The following RALGAPA2 variants were observed in gnomAD, a reference collection of about 807,000 sequenced individuals.
The protein encoded by RALGAPA2 is ral GTPase-activating protein subunit alpha-2.
Under a neutral mutation model 230.4 loss-of-function variants are expected in RALGAPA2, and 139 were observed. That is an observed-to-expected ratio of 0.60 (90% CI 0.53 to 0.69). The LOEUF (loss-of-function observed/expected upper bound fraction) is 0.69. Among genes scored for constraint, RALGAPA2 ranks in the 30% least tolerant of loss-of-function variants. RALGAPA2 has a pLI of 0.00. For synonymous variants in RALGAPA2, 847 were observed against 837.8 expected (o/e 1.01, Z -0.19); for missense variants, 2,163 against 2,276.0 (o/e 0.95, Z 1.01).
At chr20:20,504,864 G>A in intron 34 of RALGAPA2, 1 of 449,076 alleles carries the variant, frequency 2.2e-6, no homozygotes, top group Non-Finnish European at 2.9e-6. Context: ...GTGTATGTGT[G>A]TATAAATGTA....
intron 3 of RALGAPA2, among the ~76,000 whole-genome samples, chr20:20,656,994 C>G (rs1157325980): frequency 1.3e-5 from 2 of 152,198 alleles, no homozygotes; most frequent in Non-Finnish European, 2.9e-5. Context: ...GTTAGATCCT[C>G]TGGTTCTTTA....
chr20:20,698,273 A>AT lies in RALGAPA2; in HGVS notation c.106+14101dup, dbSNP rs202132751. Among the ~76,000 whole-genome samples the AT allele has an allele frequency of 2.9e-3, 410 of 142,522 alleles. 1 individual carries two copies. Among genetic ancestry groups the AT allele is most frequent in the African/African-American group, 5.4e-3 (210 of 39,134 alleles). 93.5% of individuals were successfully genotyped at this position (142,522 alleles called of 152,430 possible). On this transcript the variant is annotated intron_variant, in intron 1 of 39. Transcript: ENST00000202677. ...CCACTGAATTGTTTACTTTTAAATG[A>AT]TTTTTTTTTTTTTTTGAGACAGAGT...
At chr20:20,663,576 T>C (rs1485539560) in intron 3 of RALGAPA2, among the ~76,000 whole-genome samples, 2 of 152,096 alleles carry the variant, frequency 1.3e-5, no homozygotes, top group Non-Finnish European at 2.9e-5. Context: ...TACTCTTGTG[T>C]TTTGGAGCCA....
chr20:20,634,408 ACTTT>A (rs1404052251), intron 9 of RALGAPA2, among the ~76,000 whole-genome samples: 2 of 152,136 alleles, frequency 1.3e-5, no homozygotes, highest in South Asian at 2.1e-4. Flanking sequence ...GTTTCTTAAA[ACTTT>A]CTTTCAGCAA....
intron 38 of RALGAPA2, among the ~76,000 whole-genome samples, chr20:20,411,233 T>C (rs1220561978): frequency 1.3e-5 from 2 of 152,176 alleles, no homozygotes; most frequent in South Asian, 2.1e-4. Context: ...AAATATCCCA[T>C]TTATTCTCTG....
At chr20:20,681,396 G>GC (rs1194012385) in intron 1 of RALGAPA2, among the ~76,000 whole-genome samples, 2 of 152,170 alleles carry the variant, frequency 1.3e-5, no homozygotes, top group Non-Finnish European at 2.9e-5. Flanking sequence ...TCCTAGAGTT[G>GC]CCCCTCTTGT....
chr20:20,650,021 G>A (rs2067344071), intron 4 of RALGAPA2, among the ~76,000 whole-genome samples: 1 of 152,146 alleles, frequency 6.6e-6, no homozygotes, highest in Non-Finnish European at 1.5e-5. Context: ...TAGTTGAGTT[G>A]TATATTAGTG....
At chr20:20,555,391 T>C (rs2064053404) in intron 23 of RALGAPA2, among the ~76,000 whole-genome samples, 1 of 152,204 alleles carries the variant, frequency 6.6e-6, no homozygotes, top group Non-Finnish European at 1.5e-5. Flanking sequence ...CTAGATGGCT[T>C]TGGTTATTCA....
chr20:20,642,009 C>T (rs191786687), intron 5 of RALGAPA2, among the ~76,000 whole-genome samples: 3 of 150,828 alleles, frequency 2.0e-5, no homozygotes, highest in Non-Finnish European at 2.9e-5. Flanking sequence ...GACTCCACCA[C>T]TGTTCTGCAC....
chr20:20,590,805 T>C (rs890027972), intron 17 of RALGAPA2, among the ~76,000 whole-genome samples: 4 of 152,148 alleles, frequency 2.6e-5, no homozygotes, highest in Admixed American at 2.6e-4. Context: ...CCTTTCCCTA[T>C]GTCCCTGCCC....
chr20:20,637,548 A>G, intron 7 of RALGAPA2, 47 bp from the exon 8 acceptor site: 1 of 1,471,812 alleles, frequency 6.8e-7, no homozygotes, highest in Non-Finnish European at 9.1e-7. Flanking sequence ...TATATTTCAA[A>G]TTAACATATA....
At chr20:20,395,589 G>A (rs762574264) in intron 39 of RALGAPA2, among the ~76,000 whole-genome samples, 7 of 152,320 alleles carry the variant, frequency 4.6e-5, no homozygotes, top group Non-Finnish European at 8.8e-5. Flanking sequence ...CTTGACATGA[G>A]CACCTGGGCT....
intron 3 of RALGAPA2, among the ~76,000 whole-genome samples, chr20:20,669,767 G>A (rs2068073257): frequency 6.6e-6 from 1 of 152,136 alleles, no homozygotes. Flanking sequence ...AGGCCTGTGA[G>A]CATAATTAAA....
chr20:20,711,936 A>G (rs1356964160), intron 1 of RALGAPA2, among the ~76,000 whole-genome samples: 3 of 152,152 alleles, frequency 2.0e-5, no homozygotes, highest in African/African-American at 4.8e-5. Context: ...TGAGAGCCCA[A>G]TTAGGTCTGT....
intron 2 of RALGAPA2, among the ~76,000 whole-genome samples, chr20:20,678,604 T>TC (rs1390826940): frequency 2.0e-5 from 3 of 151,690 alleles, no homozygotes; most frequent in Admixed American, 6.6e-5. Flanking sequence ...TCAACTCACT[T>TC]CCCCCAACAC....
intron 11 of RALGAPA2, among the ~76,000 whole-genome samples, chr20:20,620,068 A>C (rs1252103728): frequency 1.3e-5 from 2 of 152,236 alleles, no homozygotes; most frequent in African/African-American, 4.8e-5. Context: ...AGGCCACTGC[A>C]CAACAAAAGT....
intron 36 of RALGAPA2, among the ~76,000 whole-genome samples, chr20:20,477,921 A>G (rs1031961180): frequency 1.3e-5 from 2 of 152,224 alleles, no homozygotes; most frequent in Non-Finnish European, 2.9e-5. Flanking sequence ...CTTTTGCACA[A>G]TAATGACACA....
At chr20:20,590,521 A>G (rs2065256618) in intron 17 of RALGAPA2, among the ~76,000 whole-genome samples, 1 of 151,998 alleles carries the variant, frequency 6.6e-6, no homozygotes, top group South Asian at 2.1e-4. Context: ...CATGACACCA[A>G]AACAGAATAA....
At chr20:20,613,267 G>A (rs941356255) in intron 13 of RALGAPA2, among the ~76,000 whole-genome samples, 4 of 152,170 alleles carry the variant, frequency 2.6e-5, no homozygotes, top group African/African-American at 9.7e-5. Context: ...TGGAGCACAT[G>A]GAATGAGGCA....
Sources: gnomAD v4.1 joint callset for allele counts (sites outside exome capture counted in the v4.1 genomes callset) on GRCh38, gnomAD v4.1.1 for gene constraint, MANE v1.5 for transcripts, NCBI Gene and HGNC (gene_info 2026-07-23, HGNC 2026-07-21) for gene names.